Variants in VWF observed in about 807,000 individuals in gnomAD.
VWF encodes the protein von Willebrand factor.
In VWF, 176 loss-of-function variants were observed where a neutral mutation model predicts 308.6. The observed-to-expected ratio is 0.57, with a 90% CI of 0.50 to 0.65. The LOEUF is 0.65. Among genes scored for constraint, VWF ranks in the 30% least tolerant of loss-of-function variants. The pLI is 0.00. For missense variants in VWF, 3,146 were observed against 3,648.2 expected, an observed-to-expected ratio of 0.86 and a Z score of 3.55; for synonymous variants, 1,385 against 1,443.4, an observed-to-expected ratio of 0.96 and a Z score of 0.92.
Position 5,969,315 on chromosome 12 carries a change from A to G in VWF, c.7625T>C (p.Ile2542Thr), listed in dbSNP as rs201213029. The G allele has an allele frequency of 1.2e-6, 2 of 1,614,186 alleles. No individual in the cohort carries two copies. The highest frequency in any genetic ancestry group is 8.5e-7 in the Non-Finnish European group (1 of 1,180,038). The change falls in exon 45 of 52, where the codon ATA (isoleucine) becomes ACA (threonine). Residue 2542 changes from isoleucine (I) to threonine (T), a missense_variant. By Grantham distance (89) the Ile-to-Thr change is moderately conservative. This residue lies in a region of VWF where 989 missense variants were observed against 1,117.4 expected (regional missense o/e 0.89). Transcript: ENST00000261405. The stretch of plus-strand genomic sequence containing the variant: ...GGGGCAGGAGACGTTCCTTTGTTGT[A>G]TAAAGACCTCCTCCTTCACTCGGAC... ...ECVRVKEEVF[I>T]QQRNVSCPQL...
chr12:6,092,158 G>A (rs191076806), intron 6 of VWF, among the ~76,000 whole-genome samples: 34 of 152,008 alleles, frequency 2.2e-4, no homozygotes, highest in Admixed American at 1.6e-3. Flanking sequence ...CCCCCCTACC[G>A]ACTAAACGGA....
intron 3 of VWF, among the ~76,000 whole-genome samples, chr12:6,115,045 GTTTTC>G (rs1470562319): frequency 6.6e-6 from 1 of 152,178 alleles, no homozygotes; most frequent in Non-Finnish European, 1.5e-5. Context: ...TTGGGGTTTT[GTTTTC>G]TTTTGTTTTG....
At position 6,072,385 on chromosome 12, in the gene VWF, T is replaced by C. The variant is rs760642864; in HGVS notation, c.1055A>G (p.His352Arg). 1.9e-6 allele frequency: 3 copies of C among 1,613,918 alleles called. No individual in the cohort carries two copies. The highest frequency in any genetic ancestry group is 2.2e-5 in the South Asian group (2 of 91,074). The change falls in exon 9 of 52, where the codon CAT becomes CGT. Residue 352 changes from histidine (H) to arginine (R), a missense_variant. Physicochemically the swap from His to Arg is conservative, Grantham distance 29 (BLOSUM62 0). Coordinates refer to ENST00000261405, the MANE Select transcript of VWF (RefSeq NM_000552.5). ...GCCGGGAGGGTAGCGCTTTCCGGAA[T>C]GCACGCAGGGACACTCGGTGCTCTC... ...CVESTECPCVHSGKRYPPGTS... is the reference protein window; with the variant it reads ...CVESTECPCVRSGKRYPPGTS...
At position 6,032,595 on chromosome 12, in the gene VWF, A is replaced by G. The variant is rs1221743800; in HGVS notation, c.2686-1017T>C. Among the ~76,000 whole-genome samples, 7 of 151,558 alleles carry G rather than the reference A, an allele frequency of 4.6e-5. No individual in the cohort carries two copies. In the East Asian group the frequency reaches 9.7e-4, roughly 21 times the overall value. On this transcript the variant is annotated intron_variant, in intron 20 of 51. Transcript: ENST00000261405. ...GGAGCTTGCAGTGAGCCGAGATCGCACCACTGCACTCCAGCCTGGGTGACA... is the reference window on the plus strand; with the variant it reads ...GGAGCTTGCAGTGAGCCGAGATCGCGCCACTGCACTCCAGCCTGGGTGACA...
intron 6 of VWF, among the ~76,000 whole-genome samples, chr12:6,092,637 G>C (rs1245908135): frequency 6.9e-6 from 1 of 144,788 alleles, no homozygotes; most frequent in Non-Finnish European, 1.5e-5. Context: ...GTGTGTGTGT[G>C]TGTGTGTGTG....
rs773187867 is a variant in VWF at position 5,981,841 on chromosome 12, G to T, written c.7232C>A (p.Ala2411Asp). The change falls in exon 42 of 52, where the codon GCC becomes GAC. Residue 2411 changes from alanine (A) to aspartate (D), a missense_variant. By Grantham distance (126) the Ala-to-Asp change is moderately radical (BLOSUM62 -2). Around this residue, in one of 3 missense-constraint regions of VWF, gnomAD observed 989 missense variants for 1,117.4 expected, o/e 0.89. Transcript: ENST00000261405. ...GCCACAGTCATTGGTGGCAGTTGAG[G>T]CCAAGTACCCAAGGGGACAGCTCAC... ...STVSCPLGYL[A>D]STATNDCGCT... is the part of the protein sequence containing the mutation. The T allele has an allele frequency of 7.4e-6, 12 of 1,613,728 alleles. No individual in the cohort carries two copies. The East Asian group carries it at 2.7e-4, about 36-fold the overall frequency.
intron 10 of VWF, among the ~76,000 whole-genome samples, chr12:6,070,987 G>A (rs1252770408): frequency 2.0e-5 from 3 of 152,220 alleles, no homozygotes; most frequent in African/African-American, 7.2e-5. Flanking sequence ...AGTCAATCAT[G>A]ACCATACAGG....
At chr12:5,952,157 A>C (rs968826865) in intron 49 of VWF, 1 of 666,008 alleles carries the variant, frequency 1.5e-6, no homozygotes, top group East Asian at 2.8e-5. Flanking sequence ...CATTTTATTC[A>C]AGAATCACAC....
At position 6,052,781 on chromosome 12, in the gene VWF, G is replaced by A; in HGVS notation, c.1948C>T (p.Leu650=). Reference sequence around the variant, plus strand: ...TACACCTGGCCTTTCGGGCAGTTCAGCTCTAGAAGAGAGAGGAGAAGTAAG... The same window carrying A: ...TACACCTGGCCTTTCGGGCAGTTCAACTCTAGAAGAGAGAGGAGAAGTAAG... The part of the protein sequence containing the change: ...VAWREPGRCE[L]NCPKGQVYLQ... Residue 650 remains leucine, a splice_region_variant and synonymous_variant, in exon 16 of 52, where the codon CTG becomes TTG. Transcript: ENST00000261405. 2 of 1,551,098 alleles carry A rather than the reference G, an allele frequency of 1.3e-6. No homozygotes were observed. Among genetic ancestry groups the A allele is most frequent in the East Asian group, 2.3e-5 (1 of 43,050 alleles).
At chr12:5,953,264 G>A (rs896357251) in intron 48 of VWF, among the ~76,000 whole-genome samples, 1 of 151,986 alleles carries the variant, frequency 6.6e-6, no homozygotes, top group Non-Finnish European at 1.5e-5. Flanking sequence ...TCCAAATTGT[G>A]AGGCCCTACA....
At chr12:6,032,410 C>T (rs1044820792) in intron 20 of VWF, among the ~76,000 whole-genome samples, 26 of 151,592 alleles carry the variant, frequency 1.7e-4, no homozygotes, top group African/African-American at 5.8e-4. Flanking sequence ...GAGGCTGAGG[C>T]GGGCGGATCA....
chr12:6,090,888 G>A (rs1945027176), intron 6 of VWF, among the ~76,000 whole-genome samples: 1 of 152,140 alleles, frequency 6.6e-6, no homozygotes. Flanking sequence ...ACACTCAAGG[G>A]GCTATCAAGG....
At position 5,967,729 on chromosome 12, in the gene VWF, T is replaced by C. The variant is rs28365812; in HGVS notation, c.7771-127A>G. 836 of 856,620 alleles carry C rather than the reference T, an allele frequency of 9.8e-4. 11 individuals carry two copies. The East Asian group carries it at 0.019, about 19-fold the overall frequency. 53.1% of individuals were successfully genotyped at this position (856,620 alleles called of 1,614,324 possible). ...TGAGCCATCGCTCTGCTGCTCCTCC[T>C]GTCTCCTATGGCCCACTGCCTTCCC... On this transcript the variant is annotated intron_variant, in intron 46 of 51. Coordinates refer to ENST00000261405, the MANE Select transcript of VWF (RefSeq NM_000552.5).
At chr12:6,065,403 G>T in intron 10 of VWF, 130 bp from the exon 11 acceptor site, 1 of 1,216,730 alleles carries the variant, frequency 8.2e-7, no homozygotes, top group Non-Finnish European at 1.2e-6. Flanking sequence ...GCCCAAACCA[G>T]TCTAAAAACA....
intron 47 of VWF, among the ~76,000 whole-genome samples, chr12:5,962,398 A>T (rs1298823995): frequency 6.6e-6 from 1 of 152,186 alleles, no homozygotes; most frequent in African/African-American, 2.4e-5. Flanking sequence ...GAAAAACAGC[A>T]AAGTTGAAAA....
Position 6,056,835 on chromosome 12 carries a change from T to C in VWF, c.1945+22A>G, listed in dbSNP as rs907744114. ...GGATTTGGGGGGCGGCCCGGAGGGC[T>C]GCGGGCAGGGAGGGCACGCACCACA... On this transcript the variant is annotated intron_variant, in intron 15 of 51. Coordinates refer to ENST00000261405, the MANE Select transcript of VWF (RefSeq NM_000552.5). The C allele has an allele frequency of 4.6e-4, 629 of 1,364,308 alleles. No homozygotes were observed. The highest frequency in any genetic ancestry group is 5.6e-4 in the Non-Finnish European group (601 of 1,068,798). 84.5% of individuals were successfully genotyped at this position (1,364,308 alleles called of 1,614,324 possible). A position where few individuals can be genotyped will look rare whatever the true frequency, so the allele number is the denominator to read the frequency against.
chr12:5,961,300 T>G (rs1315383776), intron 47 of VWF, among the ~76,000 whole-genome samples: 1 of 152,146 alleles, frequency 6.6e-6, no homozygotes, highest in Admixed American at 6.5e-5. Context: ...CTGACCCTAG[T>G]CGATGGAAAA....
chr12:6,082,021 C>T (rs1288865424), intron 6 of VWF, among the ~76,000 whole-genome samples: 3 of 151,634 alleles, frequency 2.0e-5, no homozygotes, highest in Admixed American at 6.6e-5. Context: ...GGCTGGAGTG[C>T]AGTGGCACAA....
chr12:6,041,669 G>C (rs989621286), intron 18 of VWF, among the ~76,000 whole-genome samples: 4 of 151,882 alleles, frequency 2.6e-5, no homozygotes, highest in Non-Finnish European at 5.9e-5. Flanking sequence ...GGATGGTCTC[G>C]ATCTCCTGAC....
Sources: gnomAD v4.1 joint callset for allele counts (sites outside exome capture counted in the v4.1 genomes callset) on GRCh38, gnomAD v4.1.1 for gene constraint, gnomAD v4.1.1 regional missense constraint, MANE v1.5 for transcripts, NCBI Gene and HGNC (gene_info 2026-07-23, HGNC 2026-07-21) for gene names.